Variants in ZBTB1 observed in about 807,000 individuals in gnomAD.
ZBTB1 encodes zinc finger and BTB domain-containing protein 1.
ZBTB1 carries 13 observed loss-of-function variants against 51.6 expected under a neutral mutation model. That is an observed-to-expected ratio of 0.25 (90% CI 0.16 to 0.40). The LOEUF (loss-of-function observed/expected upper bound fraction) is 0.40. ZBTB1 is among the 10% of genes least tolerant of loss of function. The probability of loss-of-function intolerance (pLI) is 1.00; values close to 1 mark genes in which losing one functional copy is unlikely to be tolerated. For missense variants in ZBTB1, 567 were observed against 856.5 expected (o/e 0.66, Z 4.22); for synonymous variants, 240 against 282.2 (o/e 0.85, Z 1.50).
chr14:64,506,845 A>G (rs1210375960), intron 1 of ZBTB1, among the ~76,000 whole-genome samples: 1 of 152,210 alleles, frequency 6.6e-6, no homozygotes, highest in Non-Finnish European at 1.5e-5. Flanking sequence ...ATATTTAACC[A>G]GGGCCTTAGC....
At chr14:64,511,778 A>G (rs1379243038) in intron 1 of ZBTB1, among the ~76,000 whole-genome samples, 1 of 152,268 alleles carries the variant, frequency 6.6e-6, no homozygotes, top group Non-Finnish European at 1.5e-5. Flanking sequence ...CTCCAAAAGC[A>G]TAACAGTCTG....
chr14:64,531,248 T>TA (rs1003436330), intron 2 of ZBTB1, among the ~76,000 whole-genome samples: 1 of 151,978 alleles, frequency 6.6e-6, no homozygotes, highest in African/African-American at 2.4e-5. Flanking sequence ...TAAAAAATTT[T>TA]AAAAAAATTA....
At chr14:64,503,732 G>A, upstream of ZBTB1, 1 of 507,080 alleles carries the variant, frequency 2.0e-6, no homozygotes, top group Non-Finnish European at 2.5e-6. Context: ...CGCACTGCAA[G>A]CAGTGGCGCC....
chr14:64,517,502 C>G (rs2079798742), intron 1 of ZBTB1, among the ~76,000 whole-genome samples: 1 of 151,920 alleles, frequency 6.6e-6, no homozygotes, highest in African/African-American at 2.4e-5. Flanking sequence ...GCCTCTTACT[C>G]TATAGTTTAT....
chr14:64,527,709 T>G (rs1596705457), downstream of ZBTB1, among the ~76,000 whole-genome samples: 3 of 152,020 alleles, frequency 2.0e-5, no homozygotes, highest in Admixed American at 1.3e-4. Context: ...AAGGTGGAGG[T>G]TGCAGTGAAC....
intron 1 of ZBTB1, among the ~76,000 whole-genome samples, chr14:64,516,352 T>C (rs1316233047): frequency 6.6e-6 from 1 of 152,284 alleles, no homozygotes; most frequent in Non-Finnish European, 1.5e-5. Flanking sequence ...ATTGCTATTA[T>C]AAGTTACTGT....
At chr14:64,512,008 C>T (rs2079729708) in intron 1 of ZBTB1, among the ~76,000 whole-genome samples, 1 of 152,196 alleles carries the variant, frequency 6.6e-6, no homozygotes, top group African/African-American at 2.4e-5. Flanking sequence ...ACCACTTAAC[C>T]TCTTAGGGCC....
chr14:64,508,260 A>C lies in ZBTB1; in HGVS notation c.-19+3314A>C, dbSNP rs1212328704. 3.3e-5 allele frequency among the ~76,000 whole-genome samples: 5 copies of C among 152,332 alleles called. No homozygotes were observed. In the East Asian group the frequency reaches 7.7e-4, roughly 23 times the overall value. The stretch of plus-strand genomic sequence containing the variant: ...TCAAAATAAAATTTGAAGATTAAAG[A>C]ATTAACCAGATTTTCTTTTGTCTAT... On this transcript the variant is annotated intron_variant, in intron 1 of 1. Transcript: ENST00000683701.
At chr14:64,506,316 C>T (rs960365083) in intron 1 of ZBTB1, among the ~76,000 whole-genome samples, 1 of 152,076 alleles carries the variant, frequency 6.6e-6, no homozygotes, top group Admixed American at 6.5e-5. Context: ...GTGGATCACC[C>T]GAGGTCAGGA....
intron 1 of ZBTB1, among the ~76,000 whole-genome samples, chr14:64,515,107 A>G (rs1203307862): frequency 6.6e-6 from 1 of 152,200 alleles, no homozygotes; most frequent in African/African-American, 2.4e-5. Flanking sequence ...TGGATCACCT[A>G]ACTCCTTAAT....
intron 1 of ZBTB1, among the ~76,000 whole-genome samples, chr14:64,515,624 C>T (rs1017493230): frequency 2.0e-5 from 3 of 151,704 alleles, no homozygotes; most frequent in Non-Finnish European, 2.9e-5. Flanking sequence ...GAGTTCCCGC[C>T]ATTCTCCCGC....
intron 2 of ZBTB1, among the ~76,000 whole-genome samples, chr14:64,531,659 T>G (rs1227594844): frequency 6.6e-6 from 1 of 152,228 alleles, no homozygotes; most frequent in African/African-American, 2.4e-5. Flanking sequence ...ATCTTATATT[T>G]GAATGGTACG....
upstream of ZBTB1, among the ~76,000 whole-genome samples, chr14:64,504,287 C>G (rs2079598205): frequency 6.6e-6 from 1 of 151,998 alleles, no homozygotes; most frequent in South Asian, 2.1e-4. Flanking sequence ...CTGGGCGACC[C>G]TGAACCGACG....
chr14:64,507,117 A>C (rs2079672774), intron 1 of ZBTB1, among the ~76,000 whole-genome samples: 1 of 152,216 alleles, frequency 6.6e-6, no homozygotes, highest in Non-Finnish European at 1.5e-5. Flanking sequence ...AAAGGAGAGG[A>C]AACTATTTGG....
In ZBTB1 at chr14:64,522,952, A is replaced by G; in HGVS notation, c.1448A>G (p.Asn483Ser). Residue 483 changes from asparagine (N) to serine (S), a missense_variant, in exon 2 of 2, where the codon AAT (asparagine) becomes AGT (serine). Coordinates refer to ENST00000683701, the MANE Select transcript of ZBTB1 (RefSeq NM_001123329.2). ...GATCTGACCATGAATGGGTTAGGAA[A>G]TACTGAGGAGAAAATGGACTTGGAA... ...PQDLTMNGLGNTEEKMDLEEN... is the reference protein window; with the variant it reads ...PQDLTMNGLGSTEEKMDLEEN... The G allele has an allele frequency of 6.2e-7, 1 of 1,614,236 alleles. No individual in the cohort carries two copies. The highest frequency in any genetic ancestry group is 8.5e-7 in the Non-Finnish European group (1 of 1,180,030).
intron 1 of ZBTB1, among the ~76,000 whole-genome samples, chr14:64,520,041 G>A (rs1049574060): frequency 3.3e-5 from 5 of 151,866 alleles, no homozygotes; most frequent in African/African-American, 9.7e-5. Flanking sequence ...TCGCTCTGTC[G>A]CCCAGGCTGG....
Position 64,524,357 on chromosome 14 carries a change from T to C in ZBTB1, c.*711T>C. ...AGTGGCTTTACCTCACTTGAAAAAT[T>C]AGTGGGGATAAGCCATTTTGTTTTG... is the stretch of plus-strand genomic sequence containing the variant. On this transcript the variant is annotated 3_prime_UTR_variant, in exon 2 of 2. Transcript: ENST00000683701. 2 of 902,708 alleles carry C rather than the reference T, an allele frequency of 2.2e-6. No homozygotes were observed. Among genetic ancestry groups the C allele is most frequent in the Non-Finnish European group, 2.7e-6 (2 of 754,602 alleles). 55.9% of individuals were successfully genotyped at this position (902,708 alleles called of 1,614,324 possible).
At chr14:64,518,171 A>G (rs1566633114) in intron 1 of ZBTB1, among the ~76,000 whole-genome samples, 1 of 152,094 alleles carries the variant, frequency 6.6e-6, no homozygotes, top group Admixed American at 6.6e-5. Context: ...GCCACATGAC[A>G]GTGAATTCTG....
intron 1 of ZBTB1, among the ~76,000 whole-genome samples, chr14:64,505,740 T>C (rs765957241): frequency 4.6e-5 from 7 of 152,272 alleles, no homozygotes; most frequent in Admixed American, 1.3e-4. Flanking sequence ...CAGGAAGAGG[T>C]TGATGAAAAT....
Sources: gnomAD v4.1 joint callset for allele counts (sites outside exome capture counted in the v4.1 genomes callset) on GRCh38, gnomAD v4.1.1 for gene constraint, MANE v1.5 for transcripts, NCBI Gene and HGNC (gene_info 2026-07-23, HGNC 2026-07-21) for gene names.